TAMM41: variants seen among roughly 807,000 people sequenced by gnomAD.
The protein encoded by TAMM41 is phosphatidate cytidylyltransferase, mitochondrial.
Under a neutral mutation model 44.1 loss-of-function variants are expected in TAMM41, and 36 were observed. The observed-to-expected ratio is 0.82, with a 90% CI of 0.63 to 1.08. TAMM41 has a LOEUF of 1.08. Among genes scored for constraint, TAMM41 ranks in the 50% least tolerant of loss-of-function variants. The pLI is 0.00. For synonymous variants in TAMM41, 164 were observed against 153.1 expected (o/e 1.07, Z -0.53); for missense variants, 417 against 404.3 (o/e 1.03, Z -0.27).
At chr3:11,811,439 A>ATTAGAAAG (rs1221452412) in intron 5 of TAMM41, 1 of 152,244 alleles carries the variant, frequency 6.6e-6, no homozygotes, top group Admixed American at 6.5e-5. Context: ...ATATAAAAAA[A>ATTAGAAAG]TTAGAAAGTA....
intron 3 of TAMM41, chr3:11,833,289 C>A: frequency 2.0e-6 from 1 of 492,300 alleles, no homozygotes; most frequent in Non-Finnish European, 2.8e-6. Flanking sequence ...GGGGCATTGG[C>A]TTAAAGGGAC....
chr3:11,839,073 ATTTGGCAATAAATT>A, intron 3 of TAMM41, 135 bp downstream of exon 3: 3 of 498,036 alleles, frequency 6.0e-6, no homozygotes, highest in Non-Finnish European at 1.1e-5. Context: ...TGTGGATATT[ATTTGGCAATAAATT>A]TTATAGGGAA....
chr3:11,755,518 A>G, the TAMM41 span, among the ~76,000 whole-genome samples: 1 of 152,188 alleles, frequency 6.6e-6, no homozygotes, highest in African/African-American at 2.4e-5. Flanking sequence ...ATTCCTGTTA[A>G]GGAGCTGGGG....
intron 3 of TAMM41, among the ~76,000 whole-genome samples, chr3:11,832,242 A>G (rs925719691): frequency 2.6e-5 from 4 of 151,318 alleles, no homozygotes; most frequent in Non-Finnish European, 5.9e-5. Context: ...TTCTGCACCC[A>G]TGGGATTCAA....
At chr3:11,751,984 T>C in the TAMM41 span, among the ~76,000 whole-genome samples, 1 of 152,308 alleles carries the variant, frequency 6.6e-6, no homozygotes, top group African/African-American at 2.4e-5. Flanking sequence ...CCTCTCCTGG[T>C]CCACTGTGCA....
At chr3:11,754,713 T>C in the TAMM41 span, among the ~76,000 whole-genome samples, 61 of 138,968 alleles carry the variant, frequency 4.4e-4, 2 homozygotes, top group East Asian at 4.3e-3. Flanking sequence ...GATCTCTTTT[T>C]TTTTTTTTTT....
chr3:11,735,227 G>A, the TAMM41 span, among the ~76,000 whole-genome samples: 1 of 151,930 alleles, frequency 6.6e-6, no homozygotes, highest in Admixed American at 6.6e-5. Flanking sequence ...GCATGGTGGT[G>A]CATGCCTGTA....
At chr3:11,815,065 A>G (rs2078230378) in intron 5 of TAMM41, among the ~76,000 whole-genome samples, 1 of 152,240 alleles carries the variant, frequency 6.6e-6, no homozygotes, top group Non-Finnish European at 1.5e-5. Context: ...TCTCCACCCT[A>G]GAATTTGATA....
chr3:11,782,100 A>T, the TAMM41 span, among the ~76,000 whole-genome samples: 2 of 152,200 alleles, frequency 1.3e-5, no homozygotes, highest in Admixed American at 1.3e-4. Flanking sequence ...ATACACATGG[A>T]GAGAACAACC....
chr3:11,800,695 G>A (rs2077726796), intron 7 of TAMM41, among the ~76,000 whole-genome samples: 1 of 152,082 alleles, frequency 6.6e-6, no homozygotes, highest in South Asian at 2.1e-4. Flanking sequence ...TAAAGAAAGA[G>A]ATAGATAGCA....
At chr3:11,754,127 C>G in the TAMM41 span, among the ~76,000 whole-genome samples, 1 of 152,132 alleles carries the variant, frequency 6.6e-6, no homozygotes, top group African/African-American at 2.4e-5. Flanking sequence ...CCCCCTGCTC[C>G]TCGGCTATGG....
intron 3 of TAMM41, among the ~76,000 whole-genome samples, chr3:11,836,116 G>A (rs1334518838): frequency 6.6e-6 from 1 of 150,388 alleles, no homozygotes; most frequent in Non-Finnish European, 1.5e-5. Context: ...TCAGCCTCCC[G>A]AGTAGCTGGG....
chr3:11,845,169 T>G (rs1480000230), intron 1 of TAMM41: 1 of 357,310 alleles, frequency 2.8e-6, no homozygotes, highest in East Asian at 7.6e-5. Context: ...TAGAAAATTT[T>G]CCTGCAGAAG....
At chr3:11,836,919 C>T (rs757194523) in intron 3 of TAMM41, among the ~76,000 whole-genome samples, 3 of 152,248 alleles carry the variant, frequency 2.0e-5, no homozygotes, top group Non-Finnish European at 4.4e-5. Flanking sequence ...CATGAAATTT[C>T]AGTAAGCCTA....
chr3:11,775,585 C>T, the TAMM41 span, among the ~76,000 whole-genome samples: 1 of 152,232 alleles, frequency 6.6e-6, no homozygotes, highest in African/African-American at 2.4e-5. Flanking sequence ...GATTCAGATA[C>T]AATCATTATT....
intron 7 of TAMM41, among the ~76,000 whole-genome samples, chr3:11,800,989 G>A (rs1274336543): frequency 6.6e-6 from 1 of 151,890 alleles, no homozygotes; most frequent in African/African-American, 2.4e-5. Flanking sequence ...CTACTCAGGA[G>A]GCTGAGGTGA....
At chr3:11,832,933 T>A in intron 3 of TAMM41, 1 of 965,132 alleles carries the variant, frequency 1.0e-6, no homozygotes, top group Non-Finnish European at 1.2e-6. Flanking sequence ...GAAGTTGTTC[T>A]ACATAGGCTG....
intron 4 of TAMM41, among the ~76,000 whole-genome samples, chr3:11,818,108 G>C (rs2078355334): frequency 6.6e-6 from 1 of 152,204 alleles, no homozygotes; most frequent in Non-Finnish European, 1.5e-5. Flanking sequence ...ATCACAAGAG[G>C]CTGGACACAC....
chr3:11,815,046 G>A (rs910177250), intron 5 of TAMM41, among the ~76,000 whole-genome samples: 10 of 152,066 alleles, frequency 6.6e-5, no homozygotes, highest in Admixed American at 5.2e-4. Flanking sequence ...AAATAAAGAA[G>A]GAAAATTATC....
Sources: allele counts gnomAD v4.1 joint callset (sites outside exome capture counted in the v4.1 genomes callset), GRCh38; gene constraint gnomAD v4.1.1; transcripts MANE v1.5; gene names NCBI Gene and HGNC (gene_info 2026-07-23, HGNC 2026-07-21).